PPP2R2C: variants seen among roughly 807,000 people sequenced by gnomAD.
The protein encoded by PPP2R2C is protein phosphatase 2, regulatory subunit B, gamma.
A neutral mutation model predicts 45.3 loss-of-function variants in PPP2R2C; 10 were observed. The observed-to-expected ratio is 0.22, with a 90% CI of 0.14 to 0.37. The LOEUF is 0.37. Ranked by LOEUF, PPP2R2C falls within the 10% of genes least tolerant of loss-of-function variation. The pLI, the probability that PPP2R2C is intolerant of heterozygous loss-of-function variation, is 1.00. For missense variants in PPP2R2C, 308 were observed against 619.7 expected, an observed-to-expected ratio of 0.50 and a Z score of 5.34; for synonymous variants, 257 against 245.4, an observed-to-expected ratio of 1.05 and a Z score of -0.44.
intron 1 of PPP2R2C, among the ~76,000 whole-genome samples, chr4:6,423,719 G>T (rs946149760): frequency 2.0e-5 from 3 of 152,216 alleles, no homozygotes; most frequent in Admixed American, 6.5e-5. Flanking sequence ...AGGGTGAGGA[G>T]GAGTCAGTGG....
In PPP2R2C at chr4:6,522,912, T is replaced by A. The variant is rs569517519; in HGVS notation, c.49+12359A>T. Reference sequence around the variant, plus strand: ...GCTTTCTAAGCACTGTGGGATCCCATTCCTCTCTCACTATTACACAGATGA... The same window carrying A: ...GCTTTCTAAGCACTGTGGGATCCCAATCCTCTCTCACTATTACACAGATGA... On this transcript the variant is annotated intron_variant, in intron 2 of 9. Transcript: ENST00000506140. Among the ~76,000 whole-genome samples, 33 of 152,234 alleles carry A rather than the reference T, an allele frequency of 2.2e-4. No individual in the cohort carries two copies. The South Asian group carries it at 4.8e-3, about 22-fold the overall frequency.
chr4:6,509,022 T>C (rs1423285487), intron 2 of PPP2R2C, among the ~76,000 whole-genome samples: 1 of 152,256 alleles, frequency 6.6e-6, no homozygotes, highest in African/African-American at 2.4e-5. Context: ...CTCTGCCTTT[T>C]GCCCCTCAGA....
intron 2 of PPP2R2C, among the ~76,000 whole-genome samples, chr4:6,512,219 T>C (rs1560595105): frequency 1.7e-5 from 1 of 58,934 alleles, no homozygotes; most frequent in Non-Finnish European, 3.4e-5. Flanking sequence ...GTGATGGTGG[T>C]GTTGGTGGTG....
At chr4:6,512,650 C>T (rs200596992) in intron 2 of PPP2R2C, among the ~76,000 whole-genome samples, 5 of 12,994 alleles carry the variant, frequency 3.8e-4, no homozygotes, top group African/African-American at 5.9e-4. Context: ...GGTGATGGTG[C>T]TGATGGTGGT....
At chr4:6,351,466 GAC>G (rs1560469350) in intron 5 of PPP2R2C, 1 of 592,472 alleles carries the variant, frequency 1.7e-6, no homozygotes, top group Non-Finnish European at 2.1e-6. Context: ...ATAGGCTGGG[GAC>G]ACAGAGTCCC....
intron 1 of PPP2R2C, among the ~76,000 whole-genome samples, chr4:6,535,936 A>G (rs1577245516): frequency 6.6e-6 from 1 of 152,176 alleles, no homozygotes; most frequent in Non-Finnish European, 1.5e-5. Context: ...TGTGGCAGGG[A>G]CAACACCCCA....
At chr4:6,365,116 C>T (rs566990798) in intron 5 of PPP2R2C, among the ~76,000 whole-genome samples, 5 of 152,262 alleles carry the variant, frequency 3.3e-5, no homozygotes, top group South Asian at 4.1e-4. Context: ...CAACTGTACT[C>T]GCAGGCCCTG....
At chr4:6,380,419 G>A (rs935008216) in intron 2 of PPP2R2C, 2 of 152,850 alleles carry the variant, frequency 1.3e-5, no homozygotes, top group Non-Finnish European at 2.9e-5. Context: ...CCGGGGGTGG[G>A]GGTGAGGACA....
intron 1 of PPP2R2C, chr4:6,381,680 A>G (rs1715805916): frequency 2.6e-6 from 4 of 1,519,880 alleles, no homozygotes; most frequent in Non-Finnish European, 3.5e-6. Context: ...GCAGAAGCGA[A>G]GCTCAGCCCT....
chr4:6,341,823 G>A (rs1733464446), intron 6 of PPP2R2C, among the ~76,000 whole-genome samples: 1 of 152,098 alleles, frequency 6.6e-6, no homozygotes, highest in African/African-American at 2.4e-5. Flanking sequence ...GAAAAGATCA[G>A]AAAACAGCCC....
intron 1 of PPP2R2C, chr4:6,384,354 G>A: frequency 1.0e-6 from 1 of 985,438 alleles, no homozygotes; most frequent in Non-Finnish European, 1.2e-6. Flanking sequence ...ACTGGGCAGT[G>A]GGGAAAAAAG....
intron 1 of PPP2R2C, among the ~76,000 whole-genome samples, chr4:6,562,494 G>T (rs1725613459): frequency 6.6e-6 from 1 of 151,030 alleles, no homozygotes; most frequent in South Asian, 2.1e-4. Context: ...ATATTTGAAA[G>T]CTCTTGGAAC....
upstream of PPP2R2C, among the ~76,000 whole-genome samples, chr4:6,475,949 A>G (rs1221819225): frequency 6.6e-6 from 1 of 152,062 alleles, no homozygotes; most frequent in Non-Finnish European, 1.5e-5. Flanking sequence ...CCCCTATAGG[A>G]AGAGACCAAA....
intron 2 of PPP2R2C, among the ~76,000 whole-genome samples, chr4:6,379,855 A>G (rs1715639816): frequency 6.6e-6 from 1 of 152,152 alleles, no homozygotes; most frequent in Non-Finnish European, 1.5e-5. Context: ...CCACCAAGAT[A>G]AAGTCAGACT....
intron 8 of PPP2R2C, 127 bp from the exon 9 acceptor site, chr4:6,323,720 C>T (rs1330764574): frequency 4.9e-6 from 5 of 1,015,236 alleles, no homozygotes; most frequent in Non-Finnish European, 6.8e-6. Context: ...AGGATTGCTT[C>T]AGCCTAGGAG....
At chr4:6,552,415 G>A (rs1212649065) in intron 1 of PPP2R2C, among the ~76,000 whole-genome samples, 3 of 152,106 alleles carry the variant, frequency 2.0e-5, no homozygotes, top group East Asian at 1.9e-4. Context: ...GGAGGTGTCC[G>A]CATTCCTTGG....
In PPP2R2C at chr4:6,364,719, C is replaced by T. The variant is rs561069227; in HGVS notation, c.625+7804G>A. Among the ~76,000 whole-genome samples, 13 of 152,228 alleles carry T rather than the reference C, an allele frequency of 8.5e-5. No homozygotes were observed. The highest frequency in any genetic ancestry group is 2.0e-4 in the Admixed American group (3 of 15,290). ...AACCCAAGTGAGCTGCCCGAGGCCGCGGAGTCCCTATGTCTTGGGGCCAAG... is the reference window on the plus strand; with the variant it reads ...AACCCAAGTGAGCTGCCCGAGGCCGTGGAGTCCCTATGTCTTGGGGCCAAG... On this transcript the variant is annotated intron_variant, in intron 5 of 8. Transcript: ENST00000382599. This position sits in a 1 kb window ranked among gnomAD's most constrained non-coding sequence, Gnocchi z 5.3.
chr4:6,343,525 T>C (rs912535284), intron 6 of PPP2R2C, among the ~76,000 whole-genome samples: 2 of 152,136 alleles, frequency 1.3e-5, no homozygotes, highest in Non-Finnish European at 2.9e-5. Context: ...GAGACCAGCC[T>C]GGCCAACACA....
Position 6,368,394 on chromosome 4 carries a change from T to C in PPP2R2C, c.625+4129A>G, listed in dbSNP as rs865775924. Among the ~76,000 whole-genome samples, 24 of 152,142 alleles carry C rather than the reference T, an allele frequency of 1.6e-4. No homozygotes were observed. The highest frequency in any genetic ancestry group is 5.6e-4 in the African/African-American group (23 of 41,426). On this transcript the variant is annotated intron_variant, in intron 5 of 8. Transcript: ENST00000382599. The surrounding 1 kb of genome is among the most constrained non-coding windows in gnomAD (Gnocchi z 4.2). The stretch of plus-strand genomic sequence containing the variant: ...GGTATTTTACCAATGGTTTATCACG[T>C]GTCCACTCCTGGAGGCAGAATCTTT...
Sources: gnomAD v4.1 joint callset for allele counts (sites outside exome capture counted in the v4.1 genomes callset) on GRCh38, gnomAD v4.1.1 for gene constraint, Gnocchi (gnomAD v3.1) non-coding constraint, MANE v1.5 for transcripts, NCBI Gene and HGNC (gene_info 2026-07-23, HGNC 2026-07-21) for gene names.